The following PACS2 variants were observed in gnomAD, a reference collection of about 807,000 sequenced individuals.
PACS2 encodes the protein PACS1-like protein.
A neutral mutation model predicts 113.0 loss-of-function variants in PACS2; 36 were observed. That is an observed-to-expected ratio of 0.32 (90% confidence interval 0.24 to 0.42). The LOEUF (loss-of-function observed/expected upper bound fraction) is 0.42, where lower values mean the gene tolerates loss of function less well. Among genes scored for constraint, PACS2 ranks in the 10% least tolerant of loss-of-function variants. The probability of loss-of-function intolerance (pLI) is 1.00; values close to 1 mark genes in which losing one functional copy is unlikely to be tolerated. For synonymous variants in PACS2, 589 were observed against 536.1 expected (o/e 1.10, Z -1.36); for missense variants, 1,015 against 1,239.5 (o/e 0.82, Z 2.72).
chr14:105,392,388 C>G (rs945105080), intron 22 of PACS2: 1 of 564,640 alleles, frequency 1.8e-6, no homozygotes, highest in Non-Finnish European at 3.2e-6. Flanking sequence ...ACAGGCCTCC[C>G]AGGCCGAGGC....
rs2060352552 is a variant in PACS2, at chr14:105,354,454, C to T, written c.298-598C>T. Among the ~76,000 whole-genome samples the T allele has an allele frequency of 6.6e-6, 1 of 152,182 alleles. No homozygotes were observed. The highest frequency in any genetic ancestry group is 2.1e-4 in the South Asian group (1 of 4,826). On this transcript the variant is annotated intron_variant, in intron 3 of 24. Transcript: ENST00000447393. The surrounding 1 kb of genome is among the most constrained non-coding windows in gnomAD (Gnocchi z 4.2). ...ATAGGCATGCTCAGGCATGTCAGCA[C>T]CACCGCAGTTAGGGTGGTGAACAGC...
In PACS2 at chr14:105,368,456, C is replaced by A. The variant is rs782722006; in HGVS notation, c.661-3C>A. ...GCCTCAGCCACTGCATATGTCTCTG[C>A]AGGACTTGGACGAGGACGACTTTGA... On this transcript the variant is annotated splice_polypyrimidine_tract_variant and splice_region_variant and intron_variant, in intron 6 of 24. Coordinates refer to ENST00000447393, the MANE Select transcript of PACS2 (RefSeq NM_001100913.3). 4 of 1,612,654 alleles carry A rather than the reference C, an allele frequency of 2.5e-6. No homozygotes were observed. Among genetic ancestry groups the A allele is most frequent in the Non-Finnish European group, 3.4e-6 (4 of 1,178,948 alleles).
rs139282295 is a variant in PACS2 at position 105,300,955 on chromosome 14, G to A, written c.-107G>A. On this transcript the variant is annotated 5_prime_UTR_variant, in exon 1 of 24. Coordinates refer to the PACS2 transcript ENST00000430725. ...GGGCGACCTGCGGGGGCTGGGCTTC[G>A]GCGGAACCCGAGCGGGGCCTACCGG... 1,417 of 154,962 alleles carry A rather than the reference G, an allele frequency of 9.1e-3. 13 individuals carry two copies. The highest frequency in any genetic ancestry group is 0.018 in the Middle Eastern group (10 of 552). 9.6% of individuals were successfully genotyped at this position (154,962 alleles called of 1,614,324 possible).
chr14:105,348,439 C>A lies in PACS2; in HGVS notation c.120-54C>A. On this transcript the variant is annotated intron_variant, in intron 1 of 24. Transcript: ENST00000447393. The surrounding 1 kb of genome is among the most constrained non-coding windows in gnomAD (Gnocchi z 6.4). ...ACACAGTGCTGGGACGGCACAGGGC[C>A]GCGTCCTGAGGAGAGGGCGGAGCCC... 2 of 1,381,770 alleles carry A rather than the reference C, an allele frequency of 1.4e-6. No homozygotes were observed. The highest frequency in any genetic ancestry group is 2.0e-6 in the Non-Finnish European group (2 of 976,532). 85.6% of individuals were successfully genotyped at this position (1,381,770 alleles called of 1,614,324 possible). A position where few individuals can be genotyped will look rare whatever the true frequency, so the allele number is the denominator to read the frequency against.
intron 1 of PACS2, among the ~76,000 whole-genome samples, chr14:105,303,296 T>C (rs1472744226): frequency 6.6e-6 from 1 of 152,194 alleles, no homozygotes; most frequent in Non-Finnish European, 1.5e-5. Context: ...CAGGCTGGAA[T>C]GCAGTGGTGC....
chr14:105,377,019 G>A, intron 9 of PACS2, 94 bp downstream of exon 9: 2 of 1,345,656 alleles, frequency 1.5e-6, no homozygotes, highest in Non-Finnish European at 2.0e-6. Flanking sequence ...CAGCCCTGGA[G>A]ACGGGGTGGG....
At chr14:105,351,190 C>T (rs974178623) in intron 2 of PACS2, among the ~76,000 whole-genome samples, 3 of 152,264 alleles carry the variant, frequency 2.0e-5, no homozygotes. Flanking sequence ...GCTTGTTTCT[C>T]GGGGCACGAG....
chr14:105,335,426 G>A (rs1387359960), intron 1 of PACS2, among the ~76,000 whole-genome samples: 1 of 152,156 alleles, frequency 6.6e-6, no homozygotes, highest in Admixed American at 6.5e-5. Flanking sequence ...CTGACGCTGT[G>A]GCCGGCGCCT....
At position 105,366,087 on chromosome 14, in the gene PACS2, C is replaced by T. The variant is rs1343693508; in HGVS notation, c.424-1126C>T. Among the ~76,000 whole-genome samples, 3 of 152,188 alleles carry T rather than the reference C, an allele frequency of 2.0e-5. No individual in the cohort carries two copies. The highest frequency in any genetic ancestry group is 4.4e-5 in the Non-Finnish European group (3 of 68,034). On this transcript the variant is annotated intron_variant, in intron 4 of 24. Transcript: ENST00000447393. The surrounding 1 kb of genome is among the most constrained non-coding windows in gnomAD (Gnocchi z 4.3). ...CTGGTCGGCTGGGCGTGGTGGCTCA[C>T]GCCTGTAATCCCAGCACTTTGGGAG...
At chr14:105,337,831 T>A (rs1186572809) in intron 1 of PACS2, among the ~76,000 whole-genome samples, 1 of 152,178 alleles carries the variant, frequency 6.6e-6, no homozygotes, top group African/African-American at 2.4e-5. Flanking sequence ...AGCTCAGGCT[T>A]CCAGAAGTCA....
chr14:105,393,332 C>G lies in PACS2; in HGVS notation c.2593C>G (p.Arg865Gly). Residue 865 changes from arginine to glycine, a missense_variant, in exon 24 of 25, where the codon CGG becomes GGG. This residue lies in a region of PACS2 where 859 missense variants were observed against 1,056.8 expected (regional missense o/e 0.81). Transcript: ENST00000447393. ...CTARQQQNMLRVLIDGVECSD... is the reference protein window; with the variant it reads ...CTARQQQNMLGVLIDGVECSD... The stretch of plus-strand genomic sequence containing the variant: ...TGCCAGGCAGCAGCAGAACATGCTG[C>G]GGGGTGAGCACCACCGGCCCCGGGG... 1 of 1,605,974 alleles carries G rather than the reference C, an allele frequency of 6.2e-7. No homozygotes were observed. The highest frequency in any genetic ancestry group is 8.5e-7 in the Non-Finnish European group (1 of 1,176,064).
intron 1 of PACS2, among the ~76,000 whole-genome samples, chr14:105,316,176 A>T (rs2140776802): frequency 6.6e-6 from 1 of 152,316 alleles, no homozygotes; most frequent in East Asian, 1.9e-4. Context: ...GACAGGAAGG[A>T]TGCCCACCCG....
intron 4 of PACS2, among the ~76,000 whole-genome samples, chr14:105,360,225 T>C (rs2060626277): frequency 6.6e-6 from 1 of 152,192 alleles, no homozygotes; most frequent in African/African-American, 2.4e-5. Context: ...CGTCAAAAAA[T>C]ATATACATAC....
intron 9 of PACS2, 109 bp downstream of exon 9, chr14:105,377,034 G>A: frequency 8.3e-7 from 1 of 1,206,064 alleles, no homozygotes; most frequent in Non-Finnish European, 1.1e-6. Flanking sequence ...GGTGGGCAGG[G>A]CCAGCTGCCT....
rs782572509 is a variant in PACS2, at chr14:105,392,701, G to A, written c.2338G>A (p.Glu780Lys). Residue 780 changes from glutamate (E) to lysine (K), a missense_variant, in exon 23 of 25, where the codon GAG becomes AAG. Physicochemically the swap from Glu to Lys is moderately conservative, Grantham distance 56. Coordinates refer to ENST00000447393, the MANE Select transcript of PACS2 (RefSeq NM_001100913.3). ...GCCTGCGGACAGGAAGAGGGACGCCGAGAAGAAGGACCTGCCTGTCACCAA... is the reference window on the plus strand; with the variant it reads ...GCCTGCGGACAGGAAGAGGGACGCCAAGAAGAAGGACCTGCCTGTCACCAA... ...AQPADRKRDA[E>K]KKDLPVTKNT... 5 of 1,612,880 alleles carry A rather than the reference G, an allele frequency of 3.1e-6. No homozygotes were observed. The highest frequency in any genetic ancestry group is 1.1e-5 in the South Asian group (1 of 91,062).
chr14:105,348,420 T>G lies in PACS2; in HGVS notation c.120-73T>G. ...GGTGCAGGCTCCCGGGGTGACACAG[T>G]GCTGGGACGGCACAGGGCCGCGTCC... On this transcript the variant is annotated intron_variant, in intron 1 of 24. Coordinates refer to ENST00000447393, the MANE Select transcript of PACS2 (RefSeq NM_001100913.3). The surrounding 1 kb of genome is among the most constrained non-coding windows in gnomAD (Gnocchi z 6.4). 8.3e-7 allele frequency: 1 copy of G among 1,203,144 alleles called. No individual in the cohort carries two copies. The highest frequency in any genetic ancestry group is 1.2e-6 in the Non-Finnish European group (1 of 822,094). 74.5% of individuals were successfully genotyped at this position (1,203,144 alleles called of 1,614,324 possible).
chr14:105,382,338 C>T, intron 13 of PACS2, 139 bp from the exon 14 acceptor site: 1 of 710,814 alleles, frequency 1.4e-6, no homozygotes, highest in Non-Finnish European at 2.5e-6. Context: ...GGCAGTTCTC[C>T]AAGCTGGCCA....
At chr14:105,336,089 C>T (rs962354760) in intron 1 of PACS2, among the ~76,000 whole-genome samples, 6 of 152,334 alleles carry the variant, frequency 3.9e-5, no homozygotes, top group Admixed American at 6.5e-5. Flanking sequence ...CCAGCTCCCA[C>T]GCGGGCAGGC....
Position 105,315,754 on chromosome 14 carries a change from C to T in PACS2, c.119+717C>T, listed in dbSNP as rs2058580806. ...CCTTGGACTTGCAGCTTCCCTGAGT[C>T]TCCTGCTCAGTTTGAAACTTTTGTA... is the stretch of plus-strand genomic sequence containing the variant. On this transcript the variant is annotated intron_variant, in intron 1 of 24. Coordinates refer to ENST00000447393, the MANE Select transcript of PACS2 (RefSeq NM_001100913.3). The surrounding 1 kb of genome is among the most constrained non-coding windows in gnomAD (Gnocchi z 4.4). 6.6e-6 allele frequency among the ~76,000 whole-genome samples: 1 copy of T among 152,238 alleles called. No individual in the cohort carries two copies. The highest frequency in any genetic ancestry group is 2.4e-5 in the African/African-American group (1 of 41,468).
Sources: gnomAD v4.1 joint callset for allele counts (sites outside exome capture counted in the v4.1 genomes callset) on GRCh38, gnomAD v4.1.1 for gene constraint, gnomAD v4.1.1 regional missense constraint, Gnocchi (gnomAD v3.1) non-coding constraint, MANE v1.5 for transcripts, NCBI Gene and HGNC (gene_info 2026-07-23, HGNC 2026-07-21) for gene names.